The following ITIH2 variants were observed in gnomAD, a reference collection of about 807,000 sequenced individuals.
The protein encoded by ITIH2 is inter-alpha-trypsin inhibitor heavy chain 2.
In ITIH2, 103 loss-of-function variants were observed where a neutral mutation model predicts 104.4. The ratio of observed to expected loss-of-function variants is 0.99; its 90% CI spans 0.84 to 1.16. ITIH2 has a LOEUF of 1.16. Among genes scored for constraint, ITIH2 ranks in the 50% most tolerant of loss-of-function variants. ITIH2 has a pLI of 0.00. For missense variants in ITIH2, 1,108 were observed against 1,162.4 expected, an observed-to-expected ratio of 0.95 and a Z score of 0.68; for synonymous variants, 436 against 435.4, an observed-to-expected ratio of 1.00 and a Z score of -0.02.
chr10:7,721,548 T>TC, intron 7 of ITIH2, 101 bp from the exon 8 acceptor site: 1 of 1,061,462 alleles, frequency 9.4e-7, no homozygotes, highest in South Asian at 1.7e-5. Flanking sequence ...ATTCAGAACG[T>TC]CCATTGGGCA....
At position 7,727,727 on chromosome 10, in the gene ITIH2, T is replaced by C. The variant is rs1564302773; in HGVS notation, c.1178T>C (p.Leu393Pro). ...SGGTNINEAL[L>P]RAIFILNEAN... is the part of the protein sequence containing the mutation. ...GGCACAAACATCAACGAAGCACTCC[T>C]ACGGGCAATCTTCATTTTGAATGAA... The change falls in exon 11 of 21, where the codon CTA (leucine) becomes CCA (proline). Residue 393 changes from leucine (L) to proline (P), a missense_variant. By Grantham distance (98) the Leu-to-Pro change is moderately conservative (BLOSUM62 -3). Transcript: ENST00000358415. The C allele has an allele frequency of 1.2e-6, 2 of 1,614,202 alleles. No homozygotes were observed. Among genetic ancestry groups the C allele is most frequent in the Non-Finnish European group, 1.7e-6 (2 of 1,180,004 alleles).
intron 16 of ITIH2, among the ~76,000 whole-genome samples, chr10:7,739,723 A>C (rs1035366164): frequency 6.6e-6 from 1 of 152,054 alleles, no homozygotes; most frequent in Non-Finnish European, 1.5e-5. Flanking sequence ...ACAAAAACAA[A>C]AAAACCCTTT....
chr10:7,740,514 C>T (rs572318298), intron 16 of ITIH2, among the ~76,000 whole-genome samples: 27 of 152,312 alleles, frequency 1.8e-4, no homozygotes, highest in African/African-American at 5.8e-4. Flanking sequence ...ACTACCATGA[C>T]GCCCAGGGAG....
intron 20 of ITIH2, among the ~76,000 whole-genome samples, chr10:7,747,731 A>G (rs547000794): frequency 1.3e-3 from 202 of 152,266 alleles, no homozygotes; most frequent in African/African-American, 4.7e-3. Context: ...TACAAAAATA[A>G]AAATAAATAT....
intron 12 of ITIH2, among the ~76,000 whole-genome samples, chr10:7,731,397 A>C (rs1285410928): frequency 6.6e-6 from 1 of 152,176 alleles, no homozygotes; most frequent in Non-Finnish European, 1.5e-5. Flanking sequence ...TGTGTGAATA[A>C]ATTAAGAGGT....
Position 7,738,692 on chromosome 10 carries a change from G to A in ITIH2, c.2029G>A (p.Val677Met), listed in dbSNP as rs188916946. The change falls in exon 16 of 21, where the codon GTG becomes ATG. Residue 677 changes from valine (V) to methionine (M), a missense_variant. Transcript: ENST00000358415. ...PSWANPSPTPVISMLAQGSQV... is the reference protein window; with the variant it reads ...PSWANPSPTPMISMLAQGSQV... ...TTGGGCCAATCCTTCACCAACGCCCGTGATCTCCATGCTGGCACAAGGATC... is the reference window on the plus strand; with the variant it reads ...TTGGGCCAATCCTTCACCAACGCCCATGATCTCCATGCTGGCACAAGGATC... 144 of 1,613,558 alleles carry A rather than the reference G, an allele frequency of 8.9e-5. No individual in the cohort carries two copies. The highest frequency in any genetic ancestry group is 4.5e-4 in the South Asian group (41 of 91,066).
At chr10:7,737,594 TATTCTATATTCTATA>T (rs1835070327) in intron 15 of ITIH2, among the ~76,000 whole-genome samples, 2 of 128,234 alleles carry the variant, frequency 1.6e-5, no homozygotes, top group Non-Finnish European at 3.1e-5. Context: ...TTCTATATTA[TATTCTATATTCTATA>T]GAATATTCTA....
chr10:7,714,213 C>T lies in ITIH2; in HGVS notation c.467+928C>T, dbSNP rs549826891. ...TTGAGACGGAATCTCGCTCTGTCGC[C>T]CAGGCTGGAGTGCAGTGGTGCGATC... is the stretch of plus-strand genomic sequence containing the variant. On this transcript the variant is annotated intron_variant, in intron 5 of 20. Coordinates refer to ENST00000358415, the MANE Select transcript of ITIH2 (RefSeq NM_002216.3). Among the ~76,000 whole-genome samples the T allele has an allele frequency of 7.6e-4, 108 of 141,510 alleles. 1 individual carries two copies. The highest frequency in any genetic ancestry group is 2.8e-3 in the African/African-American group (105 of 36,974). 92.8% of individuals were successfully genotyped at this position (141,510 alleles called of 152,430 possible). A position where few individuals can be genotyped will look rare whatever the true frequency, so the allele number is the denominator to read the frequency against.
At chr10:7,735,131 C>A (rs754145968) in intron 15 of ITIH2, 40 bp downstream of exon 15, 2 of 1,558,370 alleles carry the variant, frequency 1.3e-6, no homozygotes, top group Non-Finnish European at 1.7e-6. Context: ...CCAGGCAGCT[C>A]TCTTGCCCCG....
rs371094996 is a variant in ITIH2, at chr10:7,730,114, A to C, written c.1442A>C (p.Asp481Ala). Residue 481 changes from aspartate to alanine, a missense_variant, in exon 12 of 21, where the codon GAC (aspartate) becomes GCC (alanine). Transcript: ENST00000358415. ...GIAQRIYGNQ[D>A]TSSQLKKFYN... is the part of the protein sequence containing the mutation. ...GCACAAAGGATTTATGGAAACCAGG[A>C]CACGTCTTCCCAGCTTAAGGTAACA... is the stretch of plus-strand genomic sequence containing the variant. 4.4e-6 allele frequency: 7 copies of C among 1,600,788 alleles called. No individual in the cohort carries two copies. In the African/African-American group the frequency reaches 9.4e-5, roughly 22 times the overall value.
intron 5 of ITIH2, 195 bp downstream of exon 5, chr10:7,713,480 T>TG: frequency 1.8e-6 from 1 of 547,228 alleles, no homozygotes; most frequent in Non-Finnish European, 3.3e-6. Flanking sequence ...CAATGGGTTT[T>TG]GGGTGATCCC....
At chr10:7,720,191 T>C (rs936069088) in intron 6 of ITIH2, among the ~76,000 whole-genome samples, 2 of 151,822 alleles carry the variant, frequency 1.3e-5, no homozygotes, top group African/African-American at 4.8e-5. Context: ...GGGTACAAGG[T>C]ACATTACTTG....
chr10:7,710,396 G>C (rs1290051518), intron 4 of ITIH2, among the ~76,000 whole-genome samples: 7 of 152,142 alleles, frequency 4.6e-5, no homozygotes, highest in Non-Finnish European at 2.9e-5. Flanking sequence ...AATATTCTCT[G>C]TTCCTCTAAG....
intron 16 of ITIH2, among the ~76,000 whole-genome samples, chr10:7,739,475 C>G (rs1030113886): frequency 4.6e-5 from 7 of 152,140 alleles, no homozygotes; most frequent in African/African-American, 1.7e-4. Flanking sequence ...TTCTTGACTG[C>G]CTGGAATACA....
At chr10:7,728,742 C>T (rs962298114) in intron 11 of ITIH2, among the ~76,000 whole-genome samples, 14 of 151,992 alleles carry the variant, frequency 9.2e-5, no homozygotes, top group Admixed American at 2.0e-4. Context: ...TAAGTAATAG[C>T]GAATGCCAGA....
In ITIH2 at chr10:7,739,001, G is replaced by A. The variant is rs181460050; in HGVS notation, c.2095+243G>A. On this transcript the variant is annotated intron_variant, in intron 16 of 20. Transcript: ENST00000358415. ...AAAAACCTTTCTGCAAACAGTTTCAGTGGGAGGTTTGGGTAGTAGCTGTGG... is the reference window on the plus strand; with the variant it reads ...AAAAACCTTTCTGCAAACAGTTTCAATGGGAGGTTTGGGTAGTAGCTGTGG... 4.6e-4 allele frequency among the ~76,000 whole-genome samples: 70 copies of A among 152,332 alleles called. No homozygotes were observed. In the East Asian group the frequency reaches 8.5e-3, roughly 18 times the overall value.
chr10:7,736,499 A>G (rs1046988639), intron 15 of ITIH2, among the ~76,000 whole-genome samples: 5 of 152,170 alleles, frequency 3.3e-5, no homozygotes, highest in Non-Finnish European at 7.3e-5. Context: ...TCACTTATCT[A>G]TAAGAAAAAA....
intron 2 of ITIH2, among the ~76,000 whole-genome samples, chr10:7,706,176 A>G (rs930992826): frequency 6.6e-6 from 1 of 152,182 alleles, no homozygotes; most frequent in African/African-American, 2.4e-5. Flanking sequence ...GTCACAATTT[A>G]TTTAGCCACA....
At chr10:7,730,690 GA>G (rs1055185540) in intron 12 of ITIH2, among the ~76,000 whole-genome samples, 6 of 152,140 alleles carry the variant, frequency 3.9e-5, no homozygotes, top group African/African-American at 1.4e-4. Context: ...TACATATATT[GA>G]AAAGACACAA....
Sources: gnomAD v4.1 joint callset for allele counts (sites outside exome capture counted in the v4.1 genomes callset) on GRCh38, gnomAD v4.1.1 for gene constraint, MANE v1.5 for transcripts, NCBI Gene and HGNC (gene_info 2026-07-23, HGNC 2026-07-21) for gene names.